CAMK2A: variants seen among roughly 807,000 people sequenced by gnomAD.
CAMK2A encodes the protein calcium/calmodulin-dependent protein kinase type II subunit alpha.
A neutral mutation model predicts 79.2 loss-of-function variants in CAMK2A; 7 were observed. The ratio of observed to expected loss-of-function variants is 0.09; its 90% CI spans 0.05 to 0.17. The LOEUF is 0.17. Ranked by LOEUF, CAMK2A falls within the 10% of genes least tolerant of loss-of-function variation. The pLI is 1.00. For synonymous variants in CAMK2A, 242 were observed against 251.7 expected, an observed-to-expected ratio of 0.96 and a Z score of 0.36; for missense variants, 214 against 646.4, an observed-to-expected ratio of 0.33 and a Z score of 7.25.
At position 150,219,899 on chromosome 5, in the gene CAMK2A, T is replaced by C. The variant is rs1032606215; in HGVS notation, c.*2811A>G. On this transcript the variant is annotated 3_prime_UTR_variant, in exon 19 of 19. Coordinates refer to ENST00000671881, the MANE Select transcript of CAMK2A (RefSeq NM_015981.4). The stretch of plus-strand genomic sequence containing the variant: ...TTATTATTATTATTATTATTTTGCA[T>C]CTAAAGGATGTTTTGGAGGAGCACA... 2 of 152,042 alleles carry C rather than the reference T, an allele frequency of 1.3e-5. No homozygotes were observed. Among genetic ancestry groups the C allele is most frequent in the Non-Finnish European group, 2.9e-5 (2 of 67,984 alleles). The allele number at this position is 152,042 out of a possible 1,614,324, so 9.4% of individuals were successfully genotyped here.
At chr5:150,226,896 C>T (rs1450120027) in intron 17 of CAMK2A, among the ~76,000 whole-genome samples, 4 of 151,230 alleles carry the variant, frequency 2.6e-5, no homozygotes, top group Admixed American at 6.6e-5. Context: ...CTCAGCCTCC[C>T]GAGCAGCTGG....
intron 10 of CAMK2A, 152 bp downstream of exon 10, chr5:150,250,536 T>C: frequency 8.8e-7 from 1 of 1,134,154 alleles, no homozygotes; most frequent in Admixed American, 2.2e-5. Flanking sequence ...ACTCCTCGTT[T>C]CCACATTACC....
chr5:150,251,497 G>A (rs1481253825), intron 9 of CAMK2A, among the ~76,000 whole-genome samples: 1 of 152,222 alleles, frequency 6.6e-6, no homozygotes, highest in Admixed American at 6.5e-5. Flanking sequence ...ATATATGAGA[G>A]AGAAACAGAG....
intron 13 of CAMK2A, among the ~76,000 whole-genome samples, chr5:150,244,553 C>T (rs1037514438): frequency 1.3e-5 from 2 of 152,156 alleles, no homozygotes; most frequent in Admixed American, 6.5e-5. Context: ...GAAGGAGGAC[C>T]GCAGGATGTG....
At chr5:150,282,211 G>GC (rs1167898445) in intron 1 of CAMK2A, among the ~76,000 whole-genome samples, 2 of 152,062 alleles carry the variant, frequency 1.3e-5, no homozygotes, top group Non-Finnish European at 2.9e-5. Context: ...GTCCCACACT[G>GC]CCCCCCGCCC....
chr5:150,250,361 GC>G, intron 10 of CAMK2A, 52 bp from the exon 11 acceptor site: 1 of 1,468,526 alleles, frequency 6.8e-7, no homozygotes, highest in Non-Finnish European at 9.5e-7. Context: ...TGGAAGACAG[GC>G]CCACCCAAGG....
At chr5:150,263,428 T>A (rs1021393897) in intron 3 of CAMK2A, among the ~76,000 whole-genome samples, 27 of 149,326 alleles carry the variant, frequency 1.8e-4, no homozygotes, top group Admixed American at 1.8e-3. Flanking sequence ...ATACGCACAT[T>A]CACACACACA....
In CAMK2A at chr5:150,251,762, G is replaced by A. The variant is rs201482484; in HGVS notation, c.681C>T (p.Ala227=). The A allele has an allele frequency of 1.5e-4, 237 of 1,605,692 alleles. No individual in the cohort carries two copies. The highest frequency in any genetic ancestry group is 1.9e-4 in the Non-Finnish European group (220 of 1,176,626). ...GAGCGACACTCACATCATAGGCGCC[G>A]GCTTTGATCTGCTGGTACAGGCGGT... ...DQHRLYQQIK[A]GAYDFPSPEW... Residue 227 remains alanine (A), a synonymous_variant, in exon 9 of 19, where the codon GCC becomes GCT. Coordinates refer to ENST00000671881, the MANE Select transcript of CAMK2A (RefSeq NM_015981.4).
At chr5:150,230,040 G>A (rs1037075116) in intron 16 of CAMK2A, among the ~76,000 whole-genome samples, 1 of 152,096 alleles carries the variant, frequency 6.6e-6, no homozygotes, top group Non-Finnish European at 1.5e-5. Flanking sequence ...GGCAGGCCGG[G>A]CGGGCTCGGT....
At chr5:150,287,372 G>T (rs1188126628) in intron 1 of CAMK2A, among the ~76,000 whole-genome samples, 1 of 152,160 alleles carries the variant, frequency 6.6e-6, no homozygotes, top group East Asian at 1.9e-4. Flanking sequence ...CCTAAAAAAG[G>T]TTAAGAGCAG....
In CAMK2A at chr5:150,256,559, G is replaced by A. The variant is rs753092509; in HGVS notation, c.411+14C>T. ...GGCTCCCGGGGTGAGCCACACCCAC[G>A]GTGGGTTGCTCACCTTCAGGTCCCG... On this transcript the variant is annotated intron_variant, in intron 6 of 18. Coordinates refer to ENST00000671881, the MANE Select transcript of CAMK2A (RefSeq NM_015981.4). This position sits in a 1 kb window ranked among gnomAD's most constrained non-coding sequence, Gnocchi z 4.6. 53 of 1,605,656 alleles carry A rather than the reference G, an allele frequency of 3.3e-5. No individual in the cohort carries two copies. Among genetic ancestry groups the A allele is most frequent in the South Asian group, 4.4e-5 (4 of 90,816 alleles).
chr5:150,282,897 G>A (rs569015986), intron 1 of CAMK2A, among the ~76,000 whole-genome samples: 2 of 152,380 alleles, frequency 1.3e-5, no homozygotes, highest in South Asian at 4.1e-4. Flanking sequence ...CCAGCTGTGG[G>A]ATGCAGGAGC....
intron 2 of CAMK2A, chr5:150,265,365 T>C (rs934224398): frequency 7.1e-5 from 17 of 238,850 alleles, no homozygotes; most frequent in African/African-American, 2.8e-4. Context: ...CAGATCCCGC[T>C]GGGCCCTCTC....
At chr5:150,275,831 G>GA (rs77136274) in intron 1 of CAMK2A, among the ~76,000 whole-genome samples, 32,243 of 151,992 alleles carry the variant, frequency 0.21, 3,686 homozygotes, top group African/African-American at 0.27. Context: ...CACCAAACCA[G>GA]AAGGTCTCCC....
chr5:150,236,213 C>T (rs542495099), intron 15 of CAMK2A, among the ~76,000 whole-genome samples: 2 of 152,286 alleles, frequency 1.3e-5, no homozygotes, highest in African/African-American at 4.8e-5. Flanking sequence ...GAAAAAACGT[C>T]CTTGATGGCT....
At chr5:150,233,996 G>A (rs1445979427) in intron 15 of CAMK2A, among the ~76,000 whole-genome samples, 1 of 152,008 alleles carries the variant, frequency 6.6e-6, no homozygotes, top group Non-Finnish European at 1.5e-5. Flanking sequence ...TATTTGTAGT[G>A]GAGATGAGGT....
At chr5:150,276,431 C>T (rs967207564) in intron 1 of CAMK2A, among the ~76,000 whole-genome samples, 2 of 152,130 alleles carry the variant, frequency 1.3e-5, no homozygotes, top group Non-Finnish European at 2.9e-5. Flanking sequence ...GTGAGAGAAA[C>T]TGAAGTGAGA....
At chr5:150,241,029 T>G (rs1755312792) in intron 13 of CAMK2A, among the ~76,000 whole-genome samples, 1 of 152,130 alleles carries the variant, frequency 6.6e-6, no homozygotes, top group Admixed American at 6.5e-5. Context: ...GGCCCCCAGG[T>G]TATTCTCATC....
chr5:150,280,250 G>A (rs1339602870), intron 1 of CAMK2A, among the ~76,000 whole-genome samples: 4 of 152,014 alleles, frequency 2.6e-5, no homozygotes, highest in South Asian at 2.1e-4. Flanking sequence ...TTTATCTATC[G>A]TGGCCTTCTG....
Sources: gnomAD v4.1 joint callset for allele counts (sites outside exome capture counted in the v4.1 genomes callset) on GRCh38, gnomAD v4.1.1 for gene constraint, Gnocchi (gnomAD v3.1) non-coding constraint, MANE v1.5 for transcripts, NCBI Gene and HGNC (gene_info 2026-07-23, HGNC 2026-07-21) for gene names.